NBDY: variants seen among roughly 807,000 people sequenced by gnomAD.
NBDY encodes negative regulator of P-body association, also known as P-body dissociating protein.
At chrX:56,742,256 G>C (rs1449655832) in intron 2 of NBDY, among the ~76,000 whole-genome samples, 1 of 111,470 alleles carries the variant, frequency 9.0e-6, no homozygotes, top group Admixed American at 9.5e-5. Flanking sequence ...TTTGAAGTCA[G>C]GTAATATGAT....
chrX:56,752,349 A>G, intron 2 of NBDY, among the ~76,000 whole-genome samples: 1 of 111,874 alleles, frequency 8.9e-6, no homozygotes, highest in Non-Finnish European at 1.9e-5. Flanking sequence ...CCATTGCTCC[A>G]CAGCCTCACC....
chrX:56,745,280 AT>A (rs1181972350), intron 2 of NBDY, among the ~76,000 whole-genome samples: 1 of 110,946 alleles, frequency 9.0e-6, no homozygotes, highest in Non-Finnish European at 1.9e-5. Flanking sequence ...CGTTTATGGA[AT>A]TTTCCATTTA....
At chrX:56,781,398 A>T (rs892264261) in intron 2 of NBDY, among the ~76,000 whole-genome samples, 4 of 111,717 alleles carry the variant, frequency 3.6e-5, no homozygotes, top group Non-Finnish European at 7.5e-5. Flanking sequence ...GGCAGCAGGG[A>T]ACAGGGCAGT....
At chrX:56,736,518 G>A (rs1365363042) in intron 2 of NBDY, among the ~76,000 whole-genome samples, 3 of 111,177 alleles carry the variant, frequency 2.7e-5, no homozygotes, top group Admixed American at 9.5e-5. Context: ...TGCCTGCCTC[G>A]GCCTCCCAAA....
intron 2 of NBDY, among the ~76,000 whole-genome samples, chrX:56,816,558 A>G (rs1437033057): frequency 9.0e-6 from 1 of 111,414 alleles, no homozygotes; most frequent in Non-Finnish European, 1.9e-5. Context: ...ACGATGCAAT[A>G]TTTTGAAGCC....
At chrX:56,797,617 G>A (rs1451616152) in intron 2 of NBDY, among the ~76,000 whole-genome samples, 2 of 110,995 alleles carry the variant, frequency 1.8e-5, no homozygotes, top group African/African-American at 3.3e-5. Context: ...TCTCCTTGTG[G>A]ACTCTCTAAA....
intron 2 of NBDY, among the ~76,000 whole-genome samples, chrX:56,804,708 G>A (rs2069841018): frequency 8.9e-6 from 1 of 111,894 alleles, no homozygotes; most frequent in African/African-American, 3.2e-5. Context: ...TCTATTGCTT[G>A]TCAGATTATT....
At chrX:56,733,621 C>A (rs1352430047) in intron 2 of NBDY, among the ~76,000 whole-genome samples, 1 of 111,243 alleles carries the variant, frequency 9.0e-6, no homozygotes, top group African/African-American at 3.3e-5. Flanking sequence ...TGTGATGTAC[C>A]CTAAGTTGTA....
chrX:56,796,256 C>A (rs1303790032), intron 2 of NBDY, among the ~76,000 whole-genome samples: 1 of 111,963 alleles, frequency 8.9e-6, no homozygotes, highest in Non-Finnish European at 1.9e-5. Flanking sequence ...GACTCTTTCT[C>A]CTGGCTGATG....
intron 2 of NBDY, among the ~76,000 whole-genome samples, chrX:56,805,903 G>A (rs2069846784): frequency 9.0e-6 from 1 of 111,021 alleles, no homozygotes; most frequent in Non-Finnish European, 1.9e-5. Context: ...GACGTGCCAT[G>A]GTGGTTTGCT....
intron 2 of NBDY, among the ~76,000 whole-genome samples, chrX:56,764,197 G>A (rs938960427): frequency 2.7e-5 from 3 of 112,403 alleles, no homozygotes; most frequent in African/African-American, 6.5e-5. Flanking sequence ...GGGTTGCCAC[G>A]TCTCCAGTAT....
intron 2 of NBDY, among the ~76,000 whole-genome samples, chrX:56,739,263 TGTATGTATATATATATA>T (rs2069518100): frequency 7.9e-5 from 6 of 76,085 alleles, no homozygotes; most frequent in African/African-American, 5.6e-5. Context: ...TATATATATA[TGTATGTATATATATATA>T]TTTTTATATA....
intron 2 of NBDY, among the ~76,000 whole-genome samples, chrX:56,790,648 G>C (rs973376002): frequency 2.7e-5 from 3 of 111,936 alleles, no homozygotes; most frequent in Non-Finnish European, 3.8e-5. Context: ...AGTTTCAGAG[G>C]TCCTCGTTTT....
At chrX:56,808,580 T>C (rs1349700710) in intron 2 of NBDY, among the ~76,000 whole-genome samples, 1 of 112,512 alleles carries the variant, frequency 8.9e-6, no homozygotes, top group Non-Finnish European at 1.9e-5. Flanking sequence ...TGGTAGTTTG[T>C]ATTTCTGTGG....
intron 2 of NBDY, among the ~76,000 whole-genome samples, chrX:56,741,652 G>C: frequency 9.0e-6 from 1 of 111,254 alleles, no homozygotes; most frequent in East Asian, 2.8e-4. Context: ...TTTTGAGAAA[G>C]GTCTATTCAA....
At chrX:56,780,985 G>T (rs769511448) in intron 2 of NBDY, among the ~76,000 whole-genome samples, 3 of 109,852 alleles carry the variant, frequency 2.7e-5, no homozygotes, top group South Asian at 8.0e-4. Flanking sequence ...CTGTTTCCTT[G>T]TCAACAAATG....
intron 2 of NBDY, among the ~76,000 whole-genome samples, chrX:56,746,740 C>T (rs2069560022): frequency 1.8e-5 from 2 of 111,094 alleles, no homozygotes; most frequent in African/African-American, 6.5e-5. Context: ...GAGCTAAGAG[C>T]TGTTCCTAGC....
intron 2 of NBDY, among the ~76,000 whole-genome samples, chrX:56,794,886 G>C (rs756066227): frequency 6.0e-4 from 67 of 112,299 alleles, no homozygotes; most frequent in Non-Finnish European, 1.0e-3. Context: ...GCAGGGATTC[G>C]GGCCAGATAT....
chrX:56,789,684 T>C (rs761835108), intron 2 of NBDY, among the ~76,000 whole-genome samples: 6 of 111,536 alleles, frequency 5.4e-5, no homozygotes, highest in Admixed American at 9.5e-5. Context: ...CCTCTCTCTC[T>C]GGAGCCCAGG....
Sources: allele counts gnomAD v4.1 joint callset (sites outside exome capture counted in the v4.1 genomes callset), GRCh38; gene constraint gnomAD v4.1.1; transcripts MANE v1.5; gene names NCBI Gene and HGNC (gene_info 2026-07-23, HGNC 2026-07-21).